Variants in ANTXR2 observed in about 807,000 individuals in gnomAD.
The protein encoded by ANTXR2 is anthrax toxin receptor 2.
In ANTXR2, 44 loss-of-function variants were observed where a neutral mutation model predicts 73.7. The ratio of observed to expected loss-of-function variants is 0.60; its 90% CI spans 0.47 to 0.77. The LOEUF is 0.77. Ranked by LOEUF, ANTXR2 falls within the 30% of genes least tolerant of loss-of-function variation. The pLI is 0.00. For missense variants in ANTXR2, 604 were observed against 592.5 expected (o/e 1.02, Z -0.20); for synonymous variants, 217 against 205.9 (o/e 1.05, Z -0.46).
intron 16 of ANTXR2, among the ~76,000 whole-genome samples, chr4:79,972,915 T>A (rs1476683571): frequency 0.022 from 6 of 274 alleles, no homozygotes; most frequent in Middle Eastern, 0.5. Flanking sequence ...AAACTTAGAG[T>A]ATAATAAAAA....
At chr4:80,041,657 C>T (rs1355978540) in intron 7 of ANTXR2, among the ~76,000 whole-genome samples, 1 of 152,016 alleles carries the variant, frequency 6.6e-6, no homozygotes, top group Non-Finnish European at 1.5e-5. Flanking sequence ...TGTCTTGTTC[C>T]CCACCCTGTG....
chr4:79,916,823 T>C (rs1174760902), intron 16 of ANTXR2, among the ~76,000 whole-genome samples: 1 of 152,126 alleles, frequency 6.6e-6, no homozygotes, highest in Non-Finnish European at 1.5e-5. Flanking sequence ...ATACACACTA[T>C]AGCATCTTTT....
chr4:79,996,661 T>C (rs1467752071), intron 12 of ANTXR2, among the ~76,000 whole-genome samples: 1 of 151,944 alleles, frequency 6.6e-6, no homozygotes, highest in Non-Finnish European at 1.5e-5. Context: ...TCAACTGACA[T>C]TCCTACATTT....
chr4:79,992,311 C>T (rs978891190), intron 12 of ANTXR2, among the ~76,000 whole-genome samples: 1 of 151,750 alleles, frequency 6.6e-6, no homozygotes, highest in Non-Finnish European at 1.5e-5. Context: ...GTTTAGAGAA[C>T]TGACCCATAA....
intron 7 of ANTXR2, among the ~76,000 whole-genome samples, chr4:80,052,904 A>G (rs1477066114): frequency 2.6e-5 from 4 of 151,620 alleles, no homozygotes; most frequent in Non-Finnish European, 5.9e-5. Context: ...GGAAATCTGT[A>G]GTTATTACCC....
Position 79,986,105 on chromosome 4 carries a change from A to G in ANTXR2, c.1042-1242T>C, listed in dbSNP as rs191423261. On this transcript the variant is annotated intron_variant, in intron 12 of 16. Coordinates refer to ENST00000403729, the MANE Select transcript of ANTXR2 (RefSeq NM_058172.6). The stretch of plus-strand genomic sequence containing the variant: ...GTGATCCACCCGCCTCGGCCCCCCA[A>G]TACAGTTAATTCTTCACGTGAATAG... 2.3e-3 allele frequency among the ~76,000 whole-genome samples: 351 copies of G among 152,160 alleles called. 4 individuals carry two copies. In the South Asian group the frequency reaches 0.027, roughly 12 times the overall value.
intron 16 of ANTXR2, among the ~76,000 whole-genome samples, chr4:79,954,018 G>T (rs1274281181): frequency 6.6e-6 from 1 of 152,032 alleles, no homozygotes; most frequent in African/African-American, 2.4e-5. Flanking sequence ...CTAAACTGCT[G>T]TAAATTTTCT....
Position 80,040,940 on chromosome 4 carries a change from T to C in ANTXR2, c.637-4908A>G, listed in dbSNP as rs145246922. ...TTAAGTCCTCAAACATTAATATAGA[T>C]AACAAAAAGTCAAATTTTCTAAATT... On this transcript the variant is annotated intron_variant, in intron 7 of 16. Transcript: ENST00000403729. Among the ~76,000 whole-genome samples, 261 of 152,154 alleles carry C rather than the reference T, an allele frequency of 1.7e-3. 2 individuals are homozygous for C. Among genetic ancestry groups the C allele is most frequent in the Non-Finnish European group, 2.5e-3 (172 of 67,984 alleles).
At chr4:80,024,325 T>C (rs1239398372) in intron 10 of ANTXR2, among the ~76,000 whole-genome samples, 1 of 152,182 alleles carries the variant, frequency 6.6e-6, no homozygotes, top group Non-Finnish European at 1.5e-5. Context: ...AGTGACTTTG[T>C]AGACATTTGG....
intron 10 of ANTXR2, chr4:80,024,844 G>A (rs1443057076): frequency 3.5e-6 from 1 of 283,346 alleles, no homozygotes; most frequent in African/African-American, 2.2e-5. Flanking sequence ...AAACAGCTAG[G>A]GTGAGAATAT....
intron 2 of ANTXR2, among the ~76,000 whole-genome samples, 155 bp downstream of exon 2, chr4:80,071,428 G>C (rs1350008685): frequency 6.6e-6 from 1 of 152,080 alleles, no homozygotes; most frequent in Non-Finnish European, 1.5e-5. Flanking sequence ...AGGACTGAAG[G>C]GCTGTCCTAA....
At chr4:79,978,242 C>T (rs1578125213) in intron 14 of ANTXR2, 68 bp from the exon 15 acceptor site, 1 of 1,446,422 alleles carries the variant, frequency 6.9e-7, no homozygotes, top group Middle Eastern at 1.9e-4. Flanking sequence ...TCTTATTGAG[C>T]CTATGGTCCT....
intron 16 of ANTXR2, among the ~76,000 whole-genome samples, chr4:79,926,502 A>G (rs1260563660): frequency 6.6e-6 from 1 of 152,176 alleles, no homozygotes; most frequent in African/African-American, 2.4e-5. Context: ...TTAAGCTTAG[A>G]AAGAAACATG....
chr4:80,071,494 A>T, intron 2 of ANTXR2, 89 bp downstream of exon 2: 2 of 1,101,084 alleles, frequency 1.8e-6, no homozygotes, highest in South Asian at 2.6e-5. Context: ...TTTCAGGAAA[A>T]GTTTTTCCTA....
chr4:79,931,462 TC>T, intron 16 of ANTXR2, among the ~76,000 whole-genome samples: 1 of 147,856 alleles, frequency 6.8e-6, no homozygotes, highest in Non-Finnish European at 1.5e-5. Flanking sequence ...TCTCTCTCTC[TC>T]TCTCTCTCTC....
chr4:80,018,389 T>C (rs182241293), intron 11 of ANTXR2, among the ~76,000 whole-genome samples: 50 of 152,298 alleles, frequency 3.3e-4, no homozygotes, highest in African/African-American at 1.2e-3. Context: ...TCTCAAAATA[T>C]ATATTCGATG....
intron 16 of ANTXR2, among the ~76,000 whole-genome samples, chr4:79,937,260 A>G (rs957614089): frequency 3.3e-5 from 5 of 152,208 alleles, no homozygotes; most frequent in Non-Finnish European, 2.9e-5. Context: ...ATTTGGCTCA[A>G]CTAAGTTCCT....
At chr4:79,965,820 A>G (rs1729338789) in intron 16 of ANTXR2, among the ~76,000 whole-genome samples, 1 of 152,196 alleles carries the variant, frequency 6.6e-6, no homozygotes, top group African/African-American at 2.4e-5. Flanking sequence ...AATGCTATTT[A>G]CAAATTTCCT....
intron 7 of ANTXR2, among the ~76,000 whole-genome samples, chr4:80,053,975 A>G (rs981354009): frequency 6.6e-6 from 1 of 151,766 alleles, no homozygotes; most frequent in African/African-American, 2.4e-5. Flanking sequence ...AACTTTCAGG[A>G]TATCAAGACA....
Sources: gnomAD v4.1 joint callset for allele counts (sites outside exome capture counted in the v4.1 genomes callset) on GRCh38, gnomAD v4.1.1 for gene constraint, MANE v1.5 for transcripts, NCBI Gene and HGNC (gene_info 2026-07-23, HGNC 2026-07-21) for gene names.